The following SH3BP5 variants were observed in gnomAD, a reference collection of about 807,000 sequenced individuals.
SH3BP5 encodes SH3 domain binding protein 5, also known as SH3 domain-binding protein 5.
A neutral mutation model predicts 43.3 loss-of-function variants in SH3BP5; 22 were observed. The ratio of observed to expected loss-of-function variants is 0.51; its 90% confidence interval spans 0.36 to 0.73. SH3BP5 has a LOEUF of 0.73. Ranked by LOEUF, SH3BP5 falls within the 30% of genes least tolerant of loss-of-function variation. The pLI is 0.00. For missense variants in SH3BP5, 529 were observed against 586.9 expected (o/e 0.90, Z 1.02); for synonymous variants, 255 against 225.8 (o/e 1.13, Z -1.16).
At chr3:15,294,026 C>T (rs554555373) in intron 3 of SH3BP5, among the ~76,000 whole-genome samples, 3 of 144,998 alleles carry the variant, frequency 2.1e-5, no homozygotes, top group African/African-American at 7.7e-5. Context: ...TGCAGTGAGC[C>T]GAGATTACGC....
intron 3 of SH3BP5, among the ~76,000 whole-genome samples, chr3:15,277,508 C>T (rs1476412989): frequency 6.6e-6 from 1 of 152,104 alleles, no homozygotes; most frequent in Non-Finnish European, 1.5e-5. Context: ...AGCTCATCCC[C>T]AACCAGAGTC....
At chr3:15,295,970 T>TAAAA (rs5846862) in intron 3 of SH3BP5, among the ~76,000 whole-genome samples, 1 of 151,404 alleles carries the variant, frequency 6.6e-6, no homozygotes, top group East Asian at 1.9e-4. Context: ...AGAAACACAC[T>TAAAA]AAATAAGGGG....
intron 2 of SH3BP5, among the ~76,000 whole-genome samples, chr3:15,322,315 G>GT (rs533811280): frequency 4.0e-5 from 6 of 151,872 alleles, no homozygotes; most frequent in African/African-American, 7.3e-5. Context: ...TTTATGTATA[G>GT]TTTTTTTTCC....
chr3:15,326,489 AT>A (rs1043029421), intron 2 of SH3BP5, among the ~76,000 whole-genome samples: 1 of 152,228 alleles, frequency 6.6e-6, no homozygotes, highest in African/African-American at 2.4e-5. Flanking sequence ...TCAAAAGGCA[AT>A]GGGAAAGGAA....
intron 4 of SH3BP5, among the ~76,000 whole-genome samples, chr3:15,262,814 C>T (rs3872643): frequency 0.059 from 8,923 of 152,064 alleles, 624 homozygotes; most frequent in African/African-American, 0.16. Context: ...AAACATTTGC[C>T]AGGCATGGTG....
intron 3 of SH3BP5, among the ~76,000 whole-genome samples, chr3:15,303,331 G>C (rs553250508): frequency 1.3e-5 from 2 of 152,332 alleles, no homozygotes; most frequent in Admixed American, 1.3e-4. Context: ...AGCAGGCTGA[G>C]GAAGGTGAAT....
chr3:15,272,559 A>AGATTTGATGATACCTCAGATCAAAT (rs1559432626), intron 3 of SH3BP5, among the ~76,000 whole-genome samples: 1 of 100,922 alleles, frequency 9.9e-6, no homozygotes, highest in African/African-American at 5.1e-5. Flanking sequence ...TGCCTGTAGG[A>AGATTTGATGATACCTCAGATCAAAT]TAAAGACATT....
Position 15,304,226 on chromosome 3 carries a change from A to C in SH3BP5, c.207T>G (p.Ala69=). The change falls in exon 3 of 9, where the codon GCT becomes GCG. Residue 69 remains alanine, a synonymous_variant. Transcript: ENST00000383791. ...CCAGAACAGAGCGGAACTTCTGACG[A>C]GCATCCTGCAGCCAGGGGAAACCGA... is the stretch of plus-strand genomic sequence containing the variant. ...INRRETELED[A]RQKFRSVLVE... 1.2e-6 allele frequency: 2 copies of C among 1,614,188 alleles called. No individual in the cohort carries two copies. Among genetic ancestry groups the C allele is most frequent in the Non-Finnish European group, 1.7e-6 (2 of 1,180,018 alleles).
chr3:15,268,004 A>G (rs754668932), intron 4 of SH3BP5, among the ~76,000 whole-genome samples: 2 of 152,190 alleles, frequency 1.3e-5, no homozygotes, highest in Non-Finnish European at 2.9e-5. Flanking sequence ...TTTCATATCT[A>G]TCGGGCTTTG....
rs199993686 is a variant in SH3BP5 at position 15,304,213 on chromosome 3, G to T, written c.220C>A (p.Arg74Ser). The T allele has an allele frequency of 6.2e-7, 1 of 1,614,154 alleles. No individual in the cohort carries two copies. The highest frequency in any genetic ancestry group is 1.7e-5 in the Admixed American group (1 of 60,020). Residue 74 changes from arginine (R) to serine (S), a missense_variant, in exon 3 of 9, where the codon CGC becomes AGC. By Grantham distance (110) the Arg-to-Ser change is moderately radical (BLOSUM62 -1). Transcript: ENST00000383791. ...TELEDARQKF[R>S]SVLVEATVKL... ...ACCGTTGCTTCAACCAGAACAGAGCGGAACTTCTGACGAGCATCCTGCAGC... is the reference window on the plus strand; with the variant it reads ...ACCGTTGCTTCAACCAGAACAGAGCTGAACTTCTGACGAGCATCCTGCAGC...
upstream of SH3BP5, chr3:15,333,039 C>T (rs1466391743): frequency 6.2e-6 from 6 of 962,732 alleles, no homozygotes; most frequent in Non-Finnish European, 6.2e-6. Flanking sequence ...AAGGCTGCGG[C>T]CTCTCTGGGC....
At chr3:15,259,732 T>C in intron 6 of SH3BP5, 29 bp downstream of exon 6, 1 of 1,611,408 alleles carries the variant, frequency 6.2e-7, no homozygotes, top group Non-Finnish European at 8.5e-7. Context: ...AAAAATCTCA[T>C]CAGTGACGAA....
chr3:15,298,919 G>A (rs1485808980), intron 3 of SH3BP5, among the ~76,000 whole-genome samples: 1 of 152,096 alleles, frequency 6.6e-6, no homozygotes, highest in Non-Finnish European at 1.5e-5. Context: ...TTCACAATGT[G>A]AATGCCTTAA....
chr3:15,329,208 T>A (rs1465291581), intron 2 of SH3BP5, among the ~76,000 whole-genome samples: 1 of 152,122 alleles, frequency 6.6e-6, no homozygotes, highest in African/African-American at 2.4e-5. Flanking sequence ...GGCTACCATA[T>A]GGGACAGCAT....
rs376061645 is a variant in SH3BP5 at position 15,301,191 on chromosome 3, T to G, written c.330+2912A>C. Among the ~76,000 whole-genome samples the G allele has an allele frequency of 6.7e-4, 102 of 152,204 alleles. 1 individual carries two copies. In the South Asian group the frequency reaches 0.021, roughly 31 times the overall value. On this transcript the variant is annotated intron_variant, in intron 3 of 8. Coordinates refer to ENST00000383791, the MANE Select transcript of SH3BP5 (RefSeq NM_004844.5). ...ACTGCTAAACGGGATTTGAATGAAC[T>G]CAACCCAGACGAGGCTGGATTTGCC...
intron 3 of SH3BP5, among the ~76,000 whole-genome samples, chr3:15,296,339 T>TACACACACAC (rs571693138): frequency 5.5e-5 from 7 of 126,492 alleles, no homozygotes; most frequent in African/African-American, 2.6e-4. Flanking sequence ...GGGGAAATCA[T>TACACACACAC]ATACACACAC....
At chr3:15,286,100 C>T (rs75223214) in intron 3 of SH3BP5, among the ~76,000 whole-genome samples, 3,425 of 152,336 alleles carry the variant, frequency 0.022, 136 homozygotes, top group African/African-American at 0.076. Context: ...TGGCTGCAGC[C>T]GGCGGGCCCT....
At chr3:15,306,965 AC>A (rs1370683372) in intron 2 of SH3BP5, among the ~76,000 whole-genome samples, 2 of 152,050 alleles carry the variant, frequency 1.3e-5, no homozygotes, top group Admixed American at 1.3e-4. Context: ...GAGCCACGGC[AC>A]CCAGCCGACA....
intron 2 of SH3BP5, among the ~76,000 whole-genome samples, chr3:15,328,767 G>A (rs148428058): frequency 1.1e-3 from 173 of 152,250 alleles, no homozygotes; most frequent in African/African-American, 3.9e-3. Flanking sequence ...TATAAGATGG[G>A]AGCCCTGCCT....
Sources: gnomAD v4.1 joint callset for allele counts (sites outside exome capture counted in the v4.1 genomes callset) on GRCh38, gnomAD v4.1.1 for gene constraint, MANE v1.5 for transcripts, NCBI Gene and HGNC (gene_info 2026-07-23, HGNC 2026-07-21) for gene names.